The following THSD4 variants were observed in gnomAD, a reference collection of about 807,000 sequenced individuals.
THSD4 encodes the protein thrombospondin type-1 domain-containing protein 4.
In THSD4, 69 loss-of-function variants were observed where a neutral mutation model predicts 119.0. The ratio of observed to expected loss-of-function variants is 0.58; its 90% confidence interval spans 0.48 to 0.71. The LOEUF (loss-of-function observed/expected upper bound fraction) is 0.71. Among genes scored for constraint, THSD4 ranks in the 30% least tolerant of loss-of-function variants. The probability of loss-of-function intolerance (pLI) is 0.00; values close to 1 mark genes in which losing one functional copy is unlikely to be tolerated. For missense variants in THSD4, 1,393 were observed against 1,391.1 expected (o/e 1.00, Z -0.02); for synonymous variants, 524 against 540.4 (o/e 0.97, Z 0.42).
At chr15:71,172,649 T>C (rs2043381499) in intron 3 of THSD4, among the ~76,000 whole-genome samples, 2 of 107,480 alleles carry the variant, frequency 1.9e-5, no homozygotes, top group South Asian at 6.2e-4. Context: ...AAATAGATAA[T>C]GGAACAGAAT....
At chr15:71,739,201 C>T (rs937871527) in intron 11 of THSD4, among the ~76,000 whole-genome samples, 4 of 152,066 alleles carry the variant, frequency 2.6e-5, no homozygotes, top group African/African-American at 7.2e-5. Flanking sequence ...AATCCCAACC[C>T]TGTATTCATT....
chr15:71,543,690 C>A (rs1196187482), intron 7 of THSD4, among the ~76,000 whole-genome samples: 1 of 152,284 alleles, frequency 6.6e-6, no homozygotes, highest in Non-Finnish European at 1.5e-5. Flanking sequence ...GGTATATCGA[C>A]CTACAGGTCA....
intron 7 of THSD4, among the ~76,000 whole-genome samples, chr15:71,640,231 C>CA (rs1210537700): frequency 1.3e-5 from 2 of 151,498 alleles, no homozygotes; most frequent in Non-Finnish European, 2.9e-5. Context: ...TACAGGTACA[C>CA]ACTGCTATGC....
In THSD4 at chr15:71,361,503, CA is replaced by C. The variant is rs1475040807; in HGVS notation, c.1016-50183del. Among the ~76,000 whole-genome samples, 6 of 152,258 alleles carry C rather than the reference CA, an allele frequency of 3.9e-5. No individual in the cohort carries two copies. The East Asian group carries it at 5.8e-4, about 15-fold the overall frequency. On this transcript the variant is annotated intron_variant, in intron 6 of 17. Coordinates refer to ENST00000261862, the MANE Select transcript of THSD4 (RefSeq NM_024817.3). ...TGGCAAAGATAAAAAATGCTAATATCACCTGTGATCGTTGAAGATATGGGCT... is the reference window on the plus strand; with the variant it reads ...TGGCAAAGATAAAAAATGCTAATATCCCTGTGATCGTTGAAGATATGGGCT...
At chr15:71,270,033 A>G (rs2044510207) in intron 6 of THSD4, among the ~76,000 whole-genome samples, 1 of 152,198 alleles carries the variant, frequency 6.6e-6, no homozygotes, top group Non-Finnish European at 1.5e-5. Context: ...GCCCAAAGTG[A>G]TTTATAGATT....
chr15:71,099,684 G>C (rs915709071), intron 1 of THSD4, among the ~76,000 whole-genome samples: 2 of 151,934 alleles, frequency 1.3e-5, no homozygotes, highest in Non-Finnish European at 2.9e-5. Context: ...AGTGGATTTT[G>C]CTGGGCATGG....
chr15:71,271,706 ACT>A lies in THSD4; in HGVS notation c.1015+14994_1015+14995del, dbSNP rs2044532450. On this transcript the variant is annotated intron_variant, in intron 6 of 17. Transcript: ENST00000261862. ...GTCTCACTCTCTGCCTCTCTCTCTC[ACT>A]CTGTCTCTCCAATTCCTGAAGGAGA... is the stretch of plus-strand genomic sequence containing the variant. Among the ~76,000 whole-genome samples, 3 of 151,770 alleles carry A rather than the reference ACT, an allele frequency of 2.0e-5. No individual in the cohort carries two copies. The South Asian group carries it at 6.3e-4, about 32-fold the overall frequency.
chr15:71,273,747 G>C (rs1401964645), intron 6 of THSD4, among the ~76,000 whole-genome samples: 1 of 152,142 alleles, frequency 6.6e-6, no homozygotes, highest in Non-Finnish European at 1.5e-5. Flanking sequence ...CCTCTAATAG[G>C]TCAGAATCCG....
At chr15:71,097,965 G>A (rs1453559816) in intron 1 of THSD4, among the ~76,000 whole-genome samples, 2 of 151,862 alleles carry the variant, frequency 1.3e-5, no homozygotes, top group Non-Finnish European at 2.9e-5. Context: ...TCGCAGTGAT[G>A]TTTTTGGGGA....
intron 7 of THSD4, among the ~76,000 whole-genome samples, chr15:71,513,901 C>T (rs778160558): frequency 7.9e-5 from 12 of 152,280 alleles, no homozygotes; most frequent in South Asian, 2.1e-4. Context: ...TTATGTTGAT[C>T]AAAAGAAGCC....
intron 4 of THSD4, among the ~76,000 whole-genome samples, chr15:71,235,651 G>T (rs1162502136): frequency 7.0e-6 from 1 of 143,324 alleles, no homozygotes; most frequent in Non-Finnish European, 1.5e-5. Context: ...GCAGTGGCAC[G>T]ATCTCAGCTC....
intron 7 of THSD4, among the ~76,000 whole-genome samples, chr15:71,504,455 C>T (rs760221496): frequency 1.3e-4 from 19 of 151,950 alleles, no homozygotes; most frequent in Non-Finnish European, 2.2e-4. Flanking sequence ...ATTTCAGAAG[C>T]GTAAAGACTA....
rs978906195 is a variant in THSD4 at position 71,479,725 on chromosome 15, G to A, written c.1152+67902G>A. Among the ~76,000 whole-genome samples the A allele has an allele frequency of 2.0e-5, 3 of 151,878 alleles. No homozygotes were observed. In the South Asian group the frequency reaches 6.3e-4, roughly 32 times the overall value. Reference sequence around the variant, plus strand: ...ACGTACCCTTCACTCTTTAGGAGAAGGTTTGAAAAAAAACTGTGTTTCCTG... The same window carrying A: ...ACGTACCCTTCACTCTTTAGGAGAAAGTTTGAAAAAAAACTGTGTTTCCTG... On this transcript the variant is annotated intron_variant, in intron 7 of 17. Transcript: ENST00000261862.
intron 6 of THSD4, among the ~76,000 whole-genome samples, chr15:71,262,376 C>T (rs1433106145): frequency 6.6e-6 from 1 of 152,178 alleles, no homozygotes. Context: ...TCCCAGTCCC[C>T]TTTCACTCTC....
chr15:71,173,647 T>G (rs1363962050), intron 3 of THSD4, among the ~76,000 whole-genome samples: 1 of 151,132 alleles, frequency 6.6e-6, no homozygotes, highest in African/African-American at 2.4e-5. Flanking sequence ...AATTTTCTAT[T>G]TCAAAGAAAT....
At chr15:71,297,297 G>T (rs2044875719) in intron 6 of THSD4, among the ~76,000 whole-genome samples, 1 of 146,434 alleles carries the variant, frequency 6.8e-6, no homozygotes. Context: ...ATTTATTCAA[G>T]TCCTTTGCTC....
chr15:71,282,354 C>A (rs946138990), intron 6 of THSD4, among the ~76,000 whole-genome samples: 1 of 151,968 alleles, frequency 6.6e-6, no homozygotes, highest in South Asian at 2.1e-4. Context: ...TGATTTATAT[C>A]CCTGTCCAGC....
intron 6 of THSD4, among the ~76,000 whole-genome samples, chr15:71,410,227 C>T (rs534993672): frequency 5.3e-5 from 8 of 152,266 alleles, no homozygotes; most frequent in African/African-American, 1.9e-4. Context: ...ATTTACTATG[C>T]GCCAAGCTCT....
At chr15:71,698,081 G>A (rs969780415) in intron 8 of THSD4, among the ~76,000 whole-genome samples, 4 of 152,128 alleles carry the variant, frequency 2.6e-5, no homozygotes, top group African/African-American at 7.2e-5. Flanking sequence ...CCTCGGGACC[G>A]CCCCAGGACC....
Sources: gnomAD v4.1 joint callset for allele counts (sites outside exome capture counted in the v4.1 genomes callset) on GRCh38, gnomAD v4.1.1 for gene constraint, MANE v1.5 for transcripts, NCBI Gene and HGNC (gene_info 2026-07-23, HGNC 2026-07-21) for gene names.